The following FAM227B variants were observed in gnomAD, a reference collection of about 807,000 sequenced individuals.
The protein encoded by FAM227B is family with sequence similarity 227 member B, also known as protein FAM227B.
In FAM227B, 88 loss-of-function variants were observed where a neutral mutation model predicts 73.8. The ratio of observed to expected loss-of-function variants is 1.19; its 90% confidence interval spans 1.00 to 1.42. FAM227B has a LOEUF of 1.42. FAM227B is among the 40% of genes most tolerant of loss of function. The pLI, the probability that FAM227B is intolerant of heterozygous loss-of-function variation, is 0.00. For missense variants in FAM227B, 632 were observed against 590.9 expected (o/e 1.07, Z -0.72); for synonymous variants, 210 against 190.5 (o/e 1.10, Z -0.84).
At chr15:49,611,101 T>A in intron 3 of FAM227B, 114 bp downstream of exon 3, 1 of 629,864 alleles carries the variant, frequency 1.6e-6, no homozygotes, top group Non-Finnish European at 2.8e-6. Context: ...ACTTTCCTCA[T>A]TGAAACATAT....
At position 49,496,682 on chromosome 15, in the gene FAM227B, T is replaced by C. The variant is rs75415149; in HGVS notation, c.1012+11529A>G. 1.6e-4 allele frequency among the ~76,000 whole-genome samples: 24 copies of C among 152,328 alleles called. No individual in the cohort carries two copies. In the East Asian group the frequency reaches 4.0e-3, roughly 26 times the overall value. On this transcript the variant is annotated intron_variant, in intron 11 of 15. Coordinates refer to ENST00000299338, the MANE Select transcript of FAM227B (RefSeq NM_152647.3). Reference sequence around the variant, plus strand: ...ACAGAAAGTCCTCTTTGTAAAATTCTGGAAAAAAGTTAACTCCACATTACA... The same window carrying C: ...ACAGAAAGTCCTCTTTGTAAAATTCCGGAAAAAAGTTAACTCCACATTACA...
intron 11 of FAM227B, among the ~76,000 whole-genome samples, chr15:49,418,988 T>C (rs17477923): frequency 0.22 from 32,896 of 152,064 alleles, 3,896 homozygotes; most frequent in South Asian, 0.33. Flanking sequence ...GAGTTTTATG[T>C]ATGGCCAAAG....
At chr15:49,509,445 T>C (rs1294532358) in intron 10 of FAM227B, among the ~76,000 whole-genome samples, 3 of 152,172 alleles carry the variant, frequency 2.0e-5, no homozygotes, top group Admixed American at 6.6e-5. Context: ...GGGATTACTA[T>C]GTACCAAACT....
intron 11 of FAM227B, among the ~76,000 whole-genome samples, chr15:49,475,680 C>T (rs2055198381): frequency 1.3e-5 from 2 of 151,874 alleles, no homozygotes; most frequent in African/African-American, 4.8e-5. Context: ...CAAGAATGTA[C>T]ACAATTTGCA....
chr15:49,423,402 A>T (rs1482437370), intron 11 of FAM227B: 1 of 152,182 alleles, frequency 6.6e-6, no homozygotes, highest in Non-Finnish European at 1.5e-5. Flanking sequence ...GACAACAGAC[A>T]TGGAATTCTT....
At chr15:49,550,184 C>T (rs28652902) in intron 9 of FAM227B, among the ~76,000 whole-genome samples, 23,953 of 139,134 alleles carry the variant, frequency 0.17, 2,674 homozygotes, top group Non-Finnish European at 0.23. Flanking sequence ...CCCTCCTGGA[C>T]GGGGTGGCTG....
intron 11 of FAM227B, among the ~76,000 whole-genome samples, chr15:49,427,015 T>C (rs533024526): frequency 3.8e-4 from 58 of 152,142 alleles, no homozygotes; most frequent in African/African-American, 1.3e-3. Flanking sequence ...CTCTTTTTTT[T>C]CTATAGGAAG....
intron 8 of FAM227B, among the ~76,000 whole-genome samples, chr15:49,569,129 C>A (rs2074895755): frequency 6.6e-6 from 1 of 151,818 alleles, no homozygotes; most frequent in Non-Finnish European, 1.5e-5. Flanking sequence ...AAGAATTTGT[C>A]TATTTCAACT....
chr15:49,578,494 C>A (rs944802293), intron 5 of FAM227B, among the ~76,000 whole-genome samples: 8 of 125,392 alleles, frequency 6.4e-5, no homozygotes, highest in Non-Finnish European at 1.4e-4. Flanking sequence ...AGATAGATAG[C>A]AGGTTAATTT....
intron 11 of FAM227B, among the ~76,000 whole-genome samples, chr15:49,436,916 A>C (rs2051157093): frequency 6.6e-6 from 1 of 151,608 alleles, no homozygotes; most frequent in Non-Finnish European, 1.5e-5. Flanking sequence ...AATACTTGGC[A>C]TTATCTTCAG....
chr15:49,335,468 T>G lies in FAM227B; in HGVS notation c.1300A>C (p.Ile434Leu). The change falls in exon 14 of 16, where the codon ATA becomes CTA. Residue 434 changes from isoleucine (I) to leucine (L), a missense_variant. Transcript: ENST00000299338. ...GCAAATTGTCTTTTTGCCTCCTTTA[T>G]AACATCACGGTATGTTGGAGCAGGT... Reference protein sequence around the residue: ...PLPAPTYRDVIKEAKRQFARN... With the variant: ...PLPAPTYRDVLKEAKRQFARN... 1.2e-6 allele frequency: 2 copies of G among 1,613,620 alleles called. No individual in the cohort carries two copies. Among genetic ancestry groups the G allele is most frequent in the Non-Finnish European group, 1.7e-6 (2 of 1,179,542 alleles).
chr15:49,515,518 C>T (rs1415713583), intron 10 of FAM227B, among the ~76,000 whole-genome samples: 1 of 151,922 alleles, frequency 6.6e-6, no homozygotes, highest in Non-Finnish European at 1.5e-5. Context: ...TTTTTGCATA[C>T]CTTATAATTT....
At chr15:49,445,464 G>GT (rs1218005028) in intron 11 of FAM227B, among the ~76,000 whole-genome samples, 5 of 151,410 alleles carry the variant, frequency 3.3e-5, no homozygotes, top group Admixed American at 6.6e-5. Context: ...GTTTTCTATT[G>GT]TTTTTTCTTT....
intron 13 of FAM227B, among the ~76,000 whole-genome samples, chr15:49,360,240 GA>G (rs34095368): frequency 0.22 from 32,952 of 147,360 alleles, 3,732 homozygotes; most frequent in South Asian, 0.25. Context: ...ATAGTATAAG[GA>G]AAAAAAAAAA....
intron 13 of FAM227B, among the ~76,000 whole-genome samples, chr15:49,340,897 G>C (rs2040619457): frequency 6.6e-6 from 1 of 152,148 alleles, no homozygotes; most frequent in East Asian, 1.9e-4. Context: ...ATAGTGTAAA[G>C]TCTTACATTT....
rs1156272079 is a variant in FAM227B, at chr15:49,340,437, T to A, written c.1272-4941A>T. On this transcript the variant is annotated intron_variant, in intron 13 of 15. Coordinates refer to ENST00000299338, the MANE Select transcript of FAM227B (RefSeq NM_152647.3). ...CTCCCCCCCCCGCTTTGCCTCGCCC[T>A]CCTTGGGCTGCACCCACTGTCCAAC... Among the ~76,000 whole-genome samples, 3 of 67,668 alleles carry A rather than the reference T, an allele frequency of 4.4e-5. No homozygotes were observed. In the Admixed American group the frequency reaches 5.7e-4, roughly 13 times the overall value. The allele number at this position is 67,668 out of a possible 152,430, so 44.4% of individuals were successfully genotyped here.
chr15:49,442,976 C>T (rs1439368479), intron 11 of FAM227B, among the ~76,000 whole-genome samples: 1 of 151,660 alleles, frequency 6.6e-6, no homozygotes, highest in Non-Finnish European at 1.5e-5. Context: ...GTTTCTATCT[C>T]GAACTCTGCT....
chr15:49,498,606 G>T (rs866959042), intron 11 of FAM227B, among the ~76,000 whole-genome samples: 59 of 152,218 alleles, frequency 3.9e-4, no homozygotes, highest in African/African-American at 1.4e-3. Context: ...TATAAAAAGC[G>T]TATTTCAAAT....
At position 49,367,552 on chromosome 15, in the gene FAM227B, A is replaced by C. The variant is rs1167625226; in HGVS notation, c.1167T>G (p.Gly389=). 6.2e-7 allele frequency: 1 copy of C among 1,605,614 alleles called. No homozygotes were observed. Among genetic ancestry groups the C allele is most frequent in the African/African-American group, 1.3e-5 (1 of 74,486 alleles). ...GATAATATAAAATCAATGGACTCTG[A>C]CCTCCAAAATTGAAGAGAACACGAT... is the stretch of plus-strand genomic sequence containing the variant. ...EFNRVLFNFG[G]QSPLILYYLK... The change falls in exon 13 of 16, where the codon GGT becomes GGG. Residue 389 remains glycine (G), a synonymous_variant. Coordinates refer to ENST00000299338, the MANE Select transcript of FAM227B (RefSeq NM_152647.3).
Sources: gnomAD v4.1 joint callset for allele counts (sites outside exome capture counted in the v4.1 genomes callset) on GRCh38, gnomAD v4.1.1 for gene constraint, MANE v1.5 for transcripts, NCBI Gene and HGNC (gene_info 2026-07-23, HGNC 2026-07-21) for gene names.